ASIC2: variants seen among roughly 807,000 people sequenced by gnomAD.
The protein encoded by ASIC2 is acid sensing ion channel subunit 2, also known as acid-sensing ion channel 2.
A neutral mutation model predicts 57.3 loss-of-function variants in ASIC2; 25 were observed. The observed-to-expected ratio is 0.44, with a 90% CI of 0.32 to 0.61. ASIC2 has a LOEUF of 0.61. Ranked by LOEUF, ASIC2 falls within the 20% of genes least tolerant of loss-of-function variation. The probability of loss-of-function intolerance (pLI) is 0.06; values close to 1 mark genes in which losing one functional copy is unlikely to be tolerated. For synonymous variants in ASIC2, 319 were observed against 307.5 expected, an observed-to-expected ratio of 1.04 and a Z score of -0.39; for missense variants, 641 against 738.1, an observed-to-expected ratio of 0.87 and a Z score of 1.52.
At chr17:33,965,334 TTTTTTC>T (rs1351524326) in intron 1 of ASIC2, among the ~76,000 whole-genome samples, 10 of 152,092 alleles carry the variant, frequency 6.6e-5, no homozygotes, top group Admixed American at 3.9e-4. Context: ...ACTGTGGATT[TTTTTTC>T]TTTTTCTAAT....
rs1052594211 is a variant in ASIC2, at chr17:33,292,031, G to C, written c.85C>G (p.Pro29Ala). ...RFRMAREEPA[P>A]AALAAAGQPG... ...TGCCCGGCAGCCGCCAACGCCGCGG[G>C]CGCCGGCTCCTCGCGGGCCATGCGG... is the stretch of plus-strand genomic sequence containing the variant. The change falls in exon 1 of 10, where the codon CCC (proline) becomes GCC (alanine). Residue 29 changes from proline to alanine, a missense_variant. Physicochemically the swap from Pro to Ala is conservative, Grantham distance 27 (BLOSUM62 -1). This residue lies in a region of ASIC2 where 382 missense variants were observed against 398.0 expected (regional missense o/e 0.96). Coordinates refer to ENST00000225823, the MANE Select transcript of ASIC2 (RefSeq NM_183377.2). 1 of 1,171,682 alleles carries C rather than the reference G, an allele frequency of 8.5e-7. No homozygotes were observed. Among genetic ancestry groups the C allele is most frequent in the African/African-American group, 1.6e-5 (1 of 61,272 alleles). 72.6% of individuals were successfully genotyped at this position (1,171,682 alleles called of 1,614,324 possible). A position where few individuals can be genotyped will look rare whatever the true frequency, so the allele number is the denominator to read the frequency against.
intron 1 of ASIC2, among the ~76,000 whole-genome samples, chr17:33,489,285 T>C (rs982362026): frequency 6.6e-6 from 1 of 152,208 alleles, no homozygotes; most frequent in African/African-American, 2.4e-5. Context: ...TCTTACTTCA[T>C]GCTCATGAAA....
At chr17:33,386,124 C>T (rs1306538005) in intron 1 of ASIC2, among the ~76,000 whole-genome samples, 1 of 152,154 alleles carries the variant, frequency 6.6e-6, no homozygotes, top group Non-Finnish European at 1.5e-5. Context: ...AGATGTTTGC[C>T]AAACTGAAAC....
At chr17:33,304,635 T>C (rs1216732719) in intron 1 of ASIC2, among the ~76,000 whole-genome samples, 4 of 152,166 alleles carry the variant, frequency 2.6e-5, no homozygotes, top group African/African-American at 9.7e-5. Context: ...TTTTGACTCC[T>C]GGATGCCCCT....
Position 33,087,894 on chromosome 17 carries a change from A to G in ASIC2, c.987+969T>C, listed in dbSNP as rs368655852. Among the ~76,000 whole-genome samples, 10 of 152,242 alleles carry G rather than the reference A, an allele frequency of 6.6e-5. No homozygotes were observed. The East Asian group carries it at 9.7e-4, about 15-fold the overall frequency. ...TTTTTAATGCAGAATATCATTTTAT[A>G]AAATGGCTAAACAGCTGTGATCAGT... is the stretch of plus-strand genomic sequence containing the variant. On this transcript the variant is annotated intron_variant, in intron 3 of 9. Transcript: ENST00000225823.
rs1421933418 is a variant in ASIC2, at chr17:33,531,079, G to C, written c.556-419012C>G. On this transcript the variant is annotated intron_variant, in intron 1 of 9. Transcript: ENST00000359872. ...TTTTAACTTAATTTATTAACTTATTGACTAACTTAGCTCAAAATCACACAG... is the reference window on the plus strand; with the variant it reads ...TTTTAACTTAATTTATTAACTTATTCACTAACTTAGCTCAAAATCACACAG... Among the ~76,000 whole-genome samples the C allele has an allele frequency of 2.2e-5, 3 of 134,770 alleles. No homozygotes were observed. The Admixed American group carries it at 2.3e-4, about 10-fold the overall frequency. The allele number at this position is 134,770 out of a possible 152,430, so 88.4% of individuals were successfully genotyped here.
intron 1 of ASIC2, among the ~76,000 whole-genome samples, chr17:33,206,512 G>T (rs897245272): frequency 1.3e-5 from 2 of 152,222 alleles, no homozygotes; most frequent in African/African-American, 4.8e-5. Flanking sequence ...CCATGCCCAA[G>T]AAGGGATTTC....
intron 1 of ASIC2, among the ~76,000 whole-genome samples, chr17:33,517,665 C>T (rs1199437099): frequency 2.4e-5 from 3 of 123,100 alleles, no homozygotes; most frequent in Non-Finnish European, 4.7e-5. Flanking sequence ...ATGCATAATA[C>T]AGGAAGGGGA....
chr17:33,544,142 C>A (rs1915508483), intron 1 of ASIC2, among the ~76,000 whole-genome samples: 1 of 152,082 alleles, frequency 6.6e-6, no homozygotes, highest in Non-Finnish European at 1.5e-5. Flanking sequence ...AGTTTGTAGT[C>A]TTTTGTATTT....
At chr17:33,014,938 C>T (rs2091798068) in intron 9 of ASIC2, among the ~76,000 whole-genome samples, 1 of 152,148 alleles carries the variant, frequency 6.6e-6, no homozygotes, top group South Asian at 2.1e-4. Flanking sequence ...GATGCTTAGA[C>T]AGGTTTAATA....
chr17:33,422,865 A>T (rs1911093903), intron 1 of ASIC2, among the ~76,000 whole-genome samples: 1 of 152,136 alleles, frequency 6.6e-6, no homozygotes, highest in Non-Finnish European at 1.5e-5. Context: ...TACCCGGGTG[A>T]TGATCTCTAG....
intron 1 of ASIC2, among the ~76,000 whole-genome samples, chr17:33,129,739 T>C (rs1415826004): frequency 2.0e-5 from 3 of 152,202 alleles, no homozygotes; most frequent in African/African-American, 7.2e-5. Flanking sequence ...GACTCATTCC[T>C]TGTCTATGAG....
chr17:33,722,581 A>C (rs1196691701), intron 1 of ASIC2, among the ~76,000 whole-genome samples: 1 of 151,024 alleles, frequency 6.6e-6, no homozygotes, highest in Non-Finnish European at 1.5e-5. Context: ...TGAGCAACAT[A>C]GTAAGAGCCT....
chr17:33,653,128 A>G (rs1381540219), intron 1 of ASIC2, among the ~76,000 whole-genome samples: 1 of 152,234 alleles, frequency 6.6e-6, no homozygotes, highest in Non-Finnish European at 1.5e-5. Context: ...GCTAAGCTTT[A>G]TTCGAATGGC....
intron 1 of ASIC2, among the ~76,000 whole-genome samples, chr17:34,034,721 GACAA>G (rs1468387480): frequency 4.6e-5 from 7 of 152,058 alleles, no homozygotes; most frequent in African/African-American, 1.7e-4. Flanking sequence ...ACCAATAACA[GACAA>G]ACAGAGAGCC....
intron 1 of ASIC2, among the ~76,000 whole-genome samples, chr17:33,261,557 A>G (rs1909281038): frequency 6.6e-6 from 1 of 152,174 alleles, no homozygotes; most frequent in Admixed American, 6.5e-5. Flanking sequence ...AGAAGGGGAG[A>G]CAGTCACACA....
chr17:33,387,737 A>G (rs1032906083), intron 1 of ASIC2, among the ~76,000 whole-genome samples: 2 of 152,244 alleles, frequency 1.3e-5, no homozygotes, highest in African/African-American at 4.8e-5. Context: ...GGTACATACA[A>G]CAATGTAACT....
intron 1 of ASIC2, among the ~76,000 whole-genome samples, chr17:33,797,339 G>A (rs1180077019): frequency 1.3e-5 from 2 of 152,102 alleles, no homozygotes; most frequent in African/African-American, 4.8e-5. Context: ...GAAACGTCTG[G>A]CATGACTAGC....
At chr17:33,669,400 G>T (rs1370428452) in intron 1 of ASIC2, among the ~76,000 whole-genome samples, 2 of 152,222 alleles carry the variant, frequency 1.3e-5, no homozygotes, top group African/African-American at 4.8e-5. Flanking sequence ...GTACTCCTAA[G>T]TGTGTATGTA....
Sources: allele counts gnomAD v4.1 joint callset (sites outside exome capture counted in the v4.1 genomes callset), GRCh38; gene constraint gnomAD v4.1.1; regional missense constraint gnomAD v4.1.1; transcripts MANE v1.5; gene names NCBI Gene and HGNC (gene_info 2026-07-23, HGNC 2026-07-21).